The following PLEKHG1 variants were observed in gnomAD, a reference collection of about 807,000 sequenced individuals.
PLEKHG1 encodes pleckstrin homology and RhoGEF domain containing G1, also known as pleckstrin homology domain-containing family G member 1.
In PLEKHG1, 44 loss-of-function variants were observed where a neutral mutation model predicts 100.8. That is an observed-to-expected ratio of 0.44 (90% CI 0.34 to 0.56). PLEKHG1 has a LOEUF of 0.56. Ranked by LOEUF, PLEKHG1 falls within the 20% of genes least tolerant of loss-of-function variation. The pLI is 0.01. For synonymous variants in PLEKHG1, 640 were observed against 662.5 expected (o/e 0.97, Z 0.52); for missense variants, 1,545 against 1,720.9 (o/e 0.90, Z 1.81).
chr6:150,814,341 C>G (rs899387719), intron 10 of PLEKHG1, among the ~76,000 whole-genome samples: 12 of 152,226 alleles, frequency 7.9e-5, no homozygotes, highest in African/African-American at 2.4e-4. Context: ...CTGTCTTTCT[C>G]CCACGCTAGG....
intron 1 of PLEKHG1, among the ~76,000 whole-genome samples, chr6:150,622,285 T>C (rs1777333403): frequency 6.6e-6 from 1 of 152,212 alleles, no homozygotes; most frequent in African/African-American, 2.4e-5. Flanking sequence ...GAATAATAAA[T>C]TAGTATGTTA....
chr6:150,672,579 A>G lies in PLEKHG1; in HGVS notation c.-99+21793A>G, dbSNP rs561387823. Among the ~76,000 whole-genome samples the G allele has an allele frequency of 2.2e-4, 34 of 152,356 alleles. No individual in the cohort carries two copies. In the South Asian group the frequency reaches 6.6e-3, roughly 30 times the overall value. ...GATGCTCTATTTCACCAGTAGGAGC[A>G]TTTAGGTGAAATCAGAGGATAGAAA... On this transcript the variant is annotated intron_variant, in intron 3 of 3. Coordinates refer to the PLEKHG1 transcript ENST00000367326.
intron 6 of PLEKHG1, among the ~76,000 whole-genome samples, chr6:150,801,427 C>CTTTTTTTTTTTTTTTTTTTTTTTTTT (rs1562529984): frequency 7.5e-6 from 1 of 132,952 alleles, no homozygotes. Flanking sequence ...ATTCTTTTTT[C>CTTTTTTTTTTTTTTTTTTTTTTTTTT]TTTTCTTTTC....
At chr6:150,670,877 C>A (rs950575886) in intron 3 of PLEKHG1, among the ~76,000 whole-genome samples, 1 of 145,522 alleles carries the variant, frequency 6.9e-6, no homozygotes, top group Admixed American at 7.0e-5. Flanking sequence ...TTGCCCCCCC[C>A]TCCCATTCTT....
intron 1 of PLEKHG1, among the ~76,000 whole-genome samples, chr6:150,617,035 T>G (rs1777102752): frequency 6.6e-6 from 1 of 152,218 alleles, no homozygotes; most frequent in Admixed American, 6.5e-5. Context: ...ATTAAGAATT[T>G]GAAGAAGTGC....
chr6:150,733,829 G>A, exon 2 of PLEKHG1: 1 of 1,614,208 alleles, frequency 6.2e-7, no homozygotes, highest in Non-Finnish European at 8.5e-7. Flanking sequence ...TAAGGAGGTA[G>A]GGGCCATAAA....
intron 4 of PLEKHG1, among the ~76,000 whole-genome samples, chr6:150,793,940 G>A (rs1233322764): frequency 6.6e-6 from 1 of 152,118 alleles, no homozygotes; most frequent in Non-Finnish European, 1.5e-5. Context: ...AAATTAGCCA[G>A]GCATGGTGAC....
intron 3 of PLEKHG1, among the ~76,000 whole-genome samples, 176 bp from the exon 5 acceptor site, chr6:150,786,214 T>G (rs1001495856): frequency 6.6e-6 from 1 of 152,198 alleles, no homozygotes; most frequent in Non-Finnish European, 1.5e-5. Flanking sequence ...TGCTCCACCA[T>G]GACCTTGGGC....
chr6:150,698,892 A>G (rs1348616562), intron 3 of PLEKHG1, among the ~76,000 whole-genome samples: 2 of 152,244 alleles, frequency 1.3e-5, no homozygotes, highest in Non-Finnish European at 2.9e-5. Flanking sequence ...AAAACAATTA[A>G]GTTTGTTTAA....
Position 150,600,884 on chromosome 6 carries a change from G to A in PLEKHG1, c.-204+867G>A, listed in dbSNP as rs1776327802. On this transcript the variant is annotated intron_variant, in intron 1 of 3. Transcript: ENST00000367326. This position sits in a 1 kb window ranked among gnomAD's most constrained non-coding sequence, Gnocchi z 6.2. ...TGAATGTGCTGGCGGAGCGGGGTTT[G>A]TAAGCCGGCGTTTCATCCAGCTCTG... is the stretch of plus-strand genomic sequence containing the variant. 1 of 152,242 alleles carries A rather than the reference G, an allele frequency of 6.6e-6. No individual in the cohort carries two copies. Among genetic ancestry groups the A allele is most frequent in the Non-Finnish European group, 1.5e-5 (1 of 68,052 alleles). 9.4% of individuals were successfully genotyped at this position (152,242 alleles called of 1,614,324 possible). A position where few individuals can be genotyped will look rare whatever the true frequency, so the allele number is the denominator to read the frequency against.
At chr6:150,657,711 A>G (rs1779024124) in intron 3 of PLEKHG1, among the ~76,000 whole-genome samples, 1 of 152,216 alleles carries the variant, frequency 6.6e-6, no homozygotes, top group African/African-American at 2.4e-5. Context: ...TAAAAACCAG[A>G]TAGAATGTCA....
chr6:150,743,697 C>A (rs1394256271), intron 2 of PLEKHG1, among the ~76,000 whole-genome samples: 3 of 152,182 alleles, frequency 2.0e-5, no homozygotes, highest in Non-Finnish European at 2.9e-5. Flanking sequence ...TCTTCTATGT[C>A]TCCACCCCTA....
chr6:150,652,872 T>G (rs373215410), intron 3 of PLEKHG1, among the ~76,000 whole-genome samples: 3 of 152,168 alleles, frequency 2.0e-5, no homozygotes, highest in African/African-American at 7.2e-5. Context: ...TAATAATGCT[T>G]TATTGGAGAC....
At chr6:150,745,598 G>A (rs923763913) in intron 2 of PLEKHG1, among the ~76,000 whole-genome samples, 4 of 151,500 alleles carry the variant, frequency 2.6e-5, no homozygotes, top group African/African-American at 4.9e-5. Flanking sequence ...CAGGAGAATC[G>A]CTTGAACCTG....
At chr6:150,770,333 G>C in intron 3 of PLEKHG1, among the ~76,000 whole-genome samples, 1 of 152,204 alleles carries the variant, frequency 6.6e-6, no homozygotes, top group Non-Finnish European at 1.5e-5. Flanking sequence ...TGACCTCTGG[G>C]AGAAATGTTC....
At chr6:150,770,633 G>A (rs770104490) in intron 3 of PLEKHG1, among the ~76,000 whole-genome samples, 8 of 152,178 alleles carry the variant, frequency 5.3e-5, no homozygotes, top group Non-Finnish European at 1.0e-4. Context: ...TAGATAAAAT[G>A]AAAGAAAAAG....
intron 3 of PLEKHG1, among the ~76,000 whole-genome samples, chr6:150,708,561 T>TC (rs1251591643): frequency 2.3e-4 from 35 of 152,220 alleles, no homozygotes; most frequent in African/African-American, 8.0e-4. Context: ...CAAAGACCCT[T>TC]CTAGTCTCAC....
intron 2 of PLEKHG1, among the ~76,000 whole-genome samples, chr6:150,649,682 G>A (rs1582881325): frequency 6.6e-6 from 1 of 150,908 alleles, no homozygotes; most frequent in Non-Finnish European, 1.5e-5. Context: ...TTCGAGACCA[G>A]CCTGGCCAAC....
intron 2 of PLEKHG1, among the ~76,000 whole-genome samples, chr6:150,760,235 A>G (rs1784079156): frequency 6.6e-6 from 1 of 152,212 alleles, no homozygotes; most frequent in Non-Finnish European, 1.5e-5. Flanking sequence ...AAGACATTGC[A>G]TTCCTCCACC....
Sources: gnomAD v4.1 joint callset for allele counts (sites outside exome capture counted in the v4.1 genomes callset) on GRCh38, gnomAD v4.1.1 for gene constraint, Gnocchi (gnomAD v3.1) non-coding constraint, MANE v1.5 for transcripts, NCBI Gene and HGNC (gene_info 2026-07-23, HGNC 2026-07-21) for gene names.